Variants in AHCYL1 observed in about 807,000 individuals in gnomAD.
AHCYL1 encodes adenosylhomocysteinase like 1.
A neutral mutation model predicts 79.3 loss-of-function variants in AHCYL1; 20 were observed. The ratio of observed to expected loss-of-function variants is 0.25; its 90% CI spans 0.18 to 0.37. The LOEUF is 0.37. Among genes scored for constraint, AHCYL1 ranks in the 10% least tolerant of loss-of-function variants. The probability of loss-of-function intolerance (pLI) is 1.00; values close to 1 mark genes in which losing one functional copy is unlikely to be tolerated. For missense variants in AHCYL1, 330 were observed against 673.6 expected (o/e 0.49, Z 5.65); for synonymous variants, 223 against 242.2 (o/e 0.92, Z 0.74).
intron 2 of AHCYL1, 66 bp downstream of exon 2, chr1:110,009,211 C>A: frequency 7.2e-7 from 1 of 1,394,796 alleles, no homozygotes; most frequent in Non-Finnish European, 1.0e-6. Context: ...GTGCTCTTCA[C>A]TTAGCAATCT....
At chr1:110,015,632 G>T in intron 7 of AHCYL1, 101 bp downstream of exon 7, 7 of 875,662 alleles carry the variant, frequency 8.0e-6, no homozygotes, top group South Asian at 3.4e-5. Flanking sequence ...ATAACTAAAT[G>T]GGAATATCTT....
chr1:109,996,287 C>T (rs370878049), intron 1 of AHCYL1, among the ~76,000 whole-genome samples: 1 of 152,144 alleles, frequency 6.6e-6, no homozygotes, highest in East Asian at 1.9e-4. Flanking sequence ...CTTGGTCCTC[C>T]CTCATGTGAA....
chr1:110,009,599 C>T (rs1459443508), intron 2 of AHCYL1, among the ~76,000 whole-genome samples: 2 of 152,190 alleles, frequency 1.3e-5, no homozygotes, highest in African/African-American at 2.4e-5. Context: ...TTTGGCTTCT[C>T]TTATTTATTA....
intron 1 of AHCYL1, chr1:110,004,222 G>A (rs1650504905): frequency 1.4e-5 from 14 of 985,634 alleles, no homozygotes; most frequent in Non-Finnish European, 1.7e-5. Context: ...GGGAAGATAT[G>A]TGCTGAGATT....
At chr1:110,014,720 C>G in intron 5 of AHCYL1, 43 bp from the exon 6 acceptor site, 1 of 1,464,452 alleles carries the variant, frequency 6.8e-7, no homozygotes, top group East Asian at 2.3e-5. Flanking sequence ...GTACAGGACA[C>G]TCCTCAAAGG....
At chr1:109,992,045 T>C (rs1649786294) in intron 1 of AHCYL1, among the ~76,000 whole-genome samples, 1 of 151,594 alleles carries the variant, frequency 6.6e-6, no homozygotes, top group South Asian at 2.1e-4. Flanking sequence ...TTTTGGGCCA[T>C]GACCTGTTTC....
intron 1 of AHCYL1, among the ~76,000 whole-genome samples, chr1:110,003,035 A>G (rs1570863856): frequency 6.6e-6 from 1 of 152,196 alleles, no homozygotes; most frequent in East Asian, 1.9e-4. Context: ...AGCAGAGGCT[A>G]AAGGAACCTA....
chr1:110,017,431 C>G (rs909666315), intron 9 of AHCYL1, 64 bp from the exon 10 acceptor site: 13 of 1,497,726 alleles, frequency 8.7e-6, no homozygotes, highest in Non-Finnish European at 1.2e-5. Flanking sequence ...CACAAATAAC[C>G]TACCTACCCT....
chr1:110,020,285 G>C (rs1054654799), intron 15 of AHCYL1, among the ~76,000 whole-genome samples: 1 of 152,100 alleles, frequency 6.6e-6, no homozygotes, highest in African/African-American at 2.4e-5. Flanking sequence ...ATGATCCTAA[G>C]ATCCATGGAT....
chr1:110,019,992 C>G (rs1054624273), intron 15 of AHCYL1, among the ~76,000 whole-genome samples: 6 of 152,160 alleles, frequency 3.9e-5, no homozygotes, highest in Admixed American at 3.9e-4. Flanking sequence ...TTTTATTGTC[C>G]ATTTTCTGTG....
chr1:110,019,695 C>A, intron 15 of AHCYL1, 69 bp downstream of exon 15: 1 of 1,451,906 alleles, frequency 6.9e-7, no homozygotes, highest in South Asian at 1.3e-5. Context: ...CCATGAAAGG[C>A]ATTGGATTTA....
At chr1:110,009,297 G>A (rs1043763449) in intron 2 of AHCYL1, 152 bp downstream of exon 2, 40 of 645,230 alleles carry the variant, frequency 6.2e-5, no homozygotes, top group Non-Finnish European at 1.0e-4. Flanking sequence ...ATGTTCTGCA[G>A]CCAAGCTAGT....
intron 1 of AHCYL1, among the ~76,000 whole-genome samples, chr1:110,007,361 T>A (rs1650722756): frequency 1.3e-5 from 2 of 152,170 alleles, no homozygotes; most frequent in Admixed American, 1.3e-4. Flanking sequence ...CTTGACTGTG[T>A]ATTTTTTTCC....
chr1:110,020,869 A>G lies in AHCYL1; in HGVS notation c.1586+18A>G, dbSNP rs1651750186. ...TATTACAGGTAACCTGGGGAGAAGC[A>G]AGTGAAAAGCTCTTTTTCCCAGTAT... On this transcript the variant is annotated intron_variant, in intron 16 of 16. Coordinates refer to ENST00000369799, the MANE Select transcript of AHCYL1 (RefSeq NM_006621.7). 1.2e-6 allele frequency: 2 copies of G among 1,606,408 alleles called. No homozygotes were observed. Among genetic ancestry groups the G allele is most frequent in the Non-Finnish European group, 1.7e-6 (2 of 1,177,680 alleles).
rs752374481 is a variant in AHCYL1 at position 109,985,076 on chromosome 1, G to C, written c.24G>C (p.Pro8=). The C allele has an allele frequency of 2.5e-6, 4 of 1,604,626 alleles. No individual in the cohort carries two copies. Among genetic ancestry groups the C allele is most frequent in the Non-Finnish European group, 3.4e-6 (4 of 1,176,266 alleles). The change falls in exon 1 of 17, where the codon CCG becomes CCC. Residue 8 remains proline, a synonymous_variant. Transcript: ENST00000369799. MSMPDAM[P]LPGVGEELKQ... is the part of the protein sequence containing the mutation. ...GAATGTCGATGCCTGACGCGATGCC[G>C]CTGCCCGGGGTCGGGGAGGAGCTGA...
intron 1 of AHCYL1, among the ~76,000 whole-genome samples, chr1:110,001,482 G>A (rs562705735): frequency 1.3e-5 from 2 of 152,198 alleles, no homozygotes; most frequent in South Asian, 2.1e-4. Flanking sequence ...CACCACACCC[G>A]GCCTTGACAG....
intron 11 of AHCYL1, 131 bp from the exon 12 acceptor site, chr1:110,018,242 T>C: frequency 1.1e-6 from 1 of 943,594 alleles, no homozygotes; most frequent in Non-Finnish European, 1.6e-6. Context: ...CGGTTATGCA[T>C]GTCTTCTCTC....
chr1:109,986,410 G>A lies in AHCYL1; in HGVS notation c.120+1238G>A, dbSNP rs552497332. On this transcript the variant is annotated intron_variant, in intron 1 of 16. Transcript: ENST00000369799. ...AGACGAGTCGCCATTGTGTGCTTTC[G>A]CTGTTTTCTCACAAAATTAAGAATT... 4.0e-5 allele frequency among the ~76,000 whole-genome samples: 6 copies of A among 151,886 alleles called. No individual in the cohort carries two copies. The South Asian group carries it at 1.0e-3, about 26-fold the overall frequency.
rs1651090790 is a variant in AHCYL1, at chr1:110,012,424, A to G, written c.439A>G (p.Lys147Glu). The G allele has an allele frequency of 6.2e-7, 1 of 1,613,752 alleles. No individual in the cohort carries two copies. Among genetic ancestry groups the G allele is most frequent in the Admixed American group, 1.7e-5 (1 of 59,994 alleles). Residue 147 changes from lysine (K) to glutamate (E), a missense_variant, in exon 4 of 17, where the codon AAA becomes GAA. By Grantham distance (56) the Lys-to-Glu change is moderately conservative (BLOSUM62 1). Around this residue, in one of 6 missense-constraint regions of AHCYL1, gnomAD observed 97 missense variants for 176.3 expected, o/e 0.55. Coordinates refer to ENST00000369799, the MANE Select transcript of AHCYL1 (RefSeq NM_006621.7). The part of the protein sequence containing the change: ...AQGEKPLAGA[K>E]IVGCTHITAQ... The stretch of plus-strand genomic sequence containing the variant: ...GGGGGAGAAGCCCTTGGCTGGTGCT[A>G]AAATAGTGGGCTGTACACACATCAC...
Sources: allele counts gnomAD v4.1 joint callset (sites outside exome capture counted in the v4.1 genomes callset), GRCh38; gene constraint gnomAD v4.1.1; regional missense constraint gnomAD v4.1.1; transcripts MANE v1.5; gene names NCBI Gene and HGNC (gene_info 2026-07-23, HGNC 2026-07-21).